The following ZFYVE16 variants were observed in gnomAD, a reference collection of about 807,000 sequenced individuals.
ZFYVE16 encodes zinc finger FYVE domain-containing protein 16.
A neutral mutation model predicts 138.1 loss-of-function variants in ZFYVE16; 89 were observed. The observed-to-expected ratio is 0.64, with a 90% CI of 0.54 to 0.77. The LOEUF (loss-of-function observed/expected upper bound fraction) is 0.77, where lower values mean the gene tolerates loss of function less well. ZFYVE16 is among the 30% of genes least tolerant of loss of function. The pLI is 0.00. For missense variants in ZFYVE16, 1,793 were observed against 1,786.7 expected, an observed-to-expected ratio of 1.00 and a Z score of -0.06; for synonymous variants, 596 against 618.3, an observed-to-expected ratio of 0.96 and a Z score of 0.53.
chr5:80,450,447 T>C lies in ZFYVE16; in HGVS notation c.3243T>C (p.Tyr1081=). ...TCATCTAAGATTCCTCAGACAAATA[T>C]TGGTACTTTTCAACCAATGGATTGC... is the stretch of plus-strand genomic sequence containing the variant. ...VKFIFYSSDK[Y]WYFSTNGLHG... is the part of the protein sequence containing the mutation. The change falls in exon 10 of 19, where the codon TAT becomes TAC. Residue 1081 remains tyrosine, a synonymous_variant. Coordinates refer to ENST00000505560, the MANE Select transcript of ZFYVE16 (RefSeq NM_001284236.3). The C allele has an allele frequency of 6.2e-7, 1 of 1,613,412 alleles. No individual in the cohort carries two copies. Among genetic ancestry groups the C allele is most frequent in the Non-Finnish European group, 8.5e-7 (1 of 1,179,598 alleles).
chr5:80,445,237 T>A lies in ZFYVE16; in HGVS notation c.2582-26T>A, dbSNP rs1365227677. 1.9e-6 allele frequency: 3 copies of A among 1,601,586 alleles called. No individual in the cohort carries two copies. The African/African-American group carries it at 4.0e-5, about 22-fold the overall frequency. On this transcript the variant is annotated intron_variant, in intron 6 of 18. Coordinates refer to ENST00000505560, the MANE Select transcript of ZFYVE16 (RefSeq NM_001284236.3). ...TCATTGCCATATTACCAGATTCAAA[T>A]GTTTTACTTTTTCAATTGATTCTAG... is the stretch of plus-strand genomic sequence containing the variant.
intron 1 of ZFYVE16, among the ~76,000 whole-genome samples, chr5:80,412,641 G>A (rs1330950388): frequency 6.6e-6 from 1 of 152,126 alleles, no homozygotes; most frequent in Non-Finnish European, 1.5e-5. Context: ...AGATAGGAAT[G>A]TTTTGTAAAT....
chr5:80,413,972 C>T (rs1745841831), intron 1 of ZFYVE16, among the ~76,000 whole-genome samples: 2 of 152,126 alleles, frequency 1.3e-5, no homozygotes, highest in East Asian at 1.9e-4. Context: ...CTCTATATTC[C>T]CAAATTAGTT....
chr5:80,475,584 A>G (rs570395144), intron 18 of ZFYVE16, among the ~76,000 whole-genome samples: 3 of 152,330 alleles, frequency 2.0e-5, no homozygotes, highest in South Asian at 2.1e-4. Context: ...CTACAAGCAA[A>G]TAAGTGTGTG....
At chr5:80,426,454 C>G (rs930191316) in intron 1 of ZFYVE16, among the ~76,000 whole-genome samples, 1 of 151,772 alleles carries the variant, frequency 6.6e-6, no homozygotes, top group Non-Finnish European at 1.5e-5. Flanking sequence ...CACCACCCCC[C>G]CACCCCAGCA....
intron 12 of ZFYVE16, chr5:80,456,163 T>A (rs941372339): frequency 1.6e-5 from 5 of 307,584 alleles, no homozygotes; most frequent in African/African-American, 1.1e-4. Context: ...TAATAGGAAG[T>A]GTTGGATTAG....
rs183614994 is a variant in ZFYVE16 at position 80,423,209 on chromosome 5, G to A, written c.-93-4283G>A. On this transcript the variant is annotated intron_variant, in intron 1 of 18. Coordinates refer to ENST00000505560, the MANE Select transcript of ZFYVE16 (RefSeq NM_001284236.3). ...TATTTATTTAATTTTTAAAATAGAT[G>A]TAGGGATTTTGGGTTATCTGTTTCT... Among the ~76,000 whole-genome samples the A allele has an allele frequency of 6.2e-3, 950 of 152,224 alleles. 10 individuals are homozygous for A. Among genetic ancestry groups the A allele is most frequent in the African/African-American group, 0.021 (878 of 41,554 alleles).
In ZFYVE16 at chr5:80,448,410, G is replaced by C. The variant is rs375256686; in HGVS notation, c.3103+6G>C. On this transcript the variant is annotated splice_donor_region_variant and intron_variant, in intron 8 of 18. Transcript: ENST00000505560. ...ATCTGGAGAAAAGGGATCAGGTAGGGAAGCAGTTATTTAAATTTAAAAAGA... is the reference window on the plus strand; with the variant it reads ...ATCTGGAGAAAAGGGATCAGGTAGGCAAGCAGTTATTTAAATTTAAAAAGA... 35 of 1,479,900 alleles carry C rather than the reference G, an allele frequency of 2.4e-5. No individual in the cohort carries two copies. In the African/African-American group the frequency reaches 4.6e-4, roughly 20 times the overall value. The allele number at this position is 1,479,900 out of a possible 1,614,324, so 91.7% of individuals were successfully genotyped here.
At position 80,426,242 on chromosome 5, in the gene ZFYVE16, C is replaced by CTGTGTG. The variant is rs869080902; in HGVS notation, c.-93-1224_-93-1219dup. 1.7e-3 allele frequency among the ~76,000 whole-genome samples: 215 copies of CTGTGTG among 125,196 alleles called. 1 individual carries two copies. Among genetic ancestry groups the CTGTGTG allele is most frequent in the Middle Eastern group, 7.9e-3 (2 of 252 alleles). 82.1% of individuals were successfully genotyped at this position (125,196 alleles called of 152,430 possible). A position where few individuals can be genotyped will look rare whatever the true frequency, so the allele number is the denominator to read the frequency against. On this transcript the variant is annotated intron_variant, in intron 1 of 18. Transcript: ENST00000505560. The stretch of plus-strand genomic sequence containing the variant: ...TGTGTGTGTGTGTATGTGTGTGTGT[C>CTGTGTG]TGTGTGTGTGTGTGTGTGTGTGTGT...
chr5:80,441,855 G>A (rs1406722424), intron 5 of ZFYVE16: 2 of 985,246 alleles, frequency 2.0e-6, no homozygotes, highest in East Asian at 2.3e-4. Context: ...GATCAGTTTG[G>A]AGAAATGCTG....
intron 2 of ZFYVE16, among the ~76,000 whole-genome samples, chr5:80,431,750 C>G (rs993447573): frequency 8.5e-5 from 13 of 152,162 alleles, no homozygotes; most frequent in African/African-American, 2.9e-4. Flanking sequence ...TCTCAGGATA[C>G]AAAATCAGTG....
rs372030155 is a variant in ZFYVE16, at chr5:80,417,843, GCA to G, written c.-93-9646_-93-9645del. On this transcript the variant is annotated intron_variant, in intron 1 of 18. Transcript: ENST00000505560. The stretch of plus-strand genomic sequence containing the variant: ...AAATCAGATGAGTAAATACCTAGTA[GCA>G]CATGATTGCTGGATTATATGGTAGT... Among the ~76,000 whole-genome samples the G allele has an allele frequency of 6.2e-3, 949 of 152,264 alleles. 10 individuals are homozygous for G. The highest frequency in any genetic ancestry group is 0.021 in the African/African-American group (877 of 41,558).
chr5:80,473,716 G>T (rs1754608127), intron 16 of ZFYVE16, 38 bp from the exon 17 acceptor site: 4 of 1,409,652 alleles, frequency 2.8e-6, no homozygotes, highest in Non-Finnish European at 2.0e-6. Context: ...AAACACATTG[G>T]TGCTAATAAT....
At chr5:80,441,932 T>A (rs900937538) in intron 5 of ZFYVE16, 1 of 985,116 alleles carries the variant, frequency 1.0e-6, no homozygotes, top group Non-Finnish European at 1.2e-6. Flanking sequence ...CAGGCACTAT[T>A]CTGCATTCTG....
chr5:80,451,580 C>T lies in ZFYVE16; in HGVS notation c.3478C>T (p.Gln1160Ter), dbSNP rs1252903671. 1 of 1,613,862 alleles carries T rather than the reference C, an allele frequency of 6.2e-7. No homozygotes were observed. Among genetic ancestry groups the T allele is most frequent in the Admixed American group, 1.7e-5 (1 of 60,014 alleles). Residue 1160 changes from glutamine to a stop codon, truncating the protein, a stop_gained, in exon 11 of 19, where the codon CAG (glutamine) becomes TAG (stop). Transcript: ENST00000505560. LOFTEE classifies it high-confidence loss of function. ...ATTCCTGTTTATTACACCTACTTTT[C>T]AGAAACTTGATGATCTCTCATTACC... ...GGFLFITPTFQKLDDLSLPSN... is the reference protein window; with the variant it reads ...GGFLFITPTF
rs1755195500 is a variant in ZFYVE16 at position 80,479,754 on chromosome 5, C to G, written c.*2377C>G. Among the ~76,000 whole-genome samples, 1 of 152,192 alleles carries G rather than the reference C, an allele frequency of 6.6e-6. No individual in the cohort carries two copies. The highest frequency in any genetic ancestry group is 2.4e-5 in the African/African-American group (1 of 41,452). ...TAAGAGAAGCAAGCATGTACCCTTA[C>G]TCTGACAACCTTATGAGTGAGGGGG... On this transcript the variant is annotated 3_prime_UTR_variant, in exon 19 of 19. Transcript: ENST00000505560.
chr5:80,435,449 G>A (rs1449923917), intron 3 of ZFYVE16, among the ~76,000 whole-genome samples: 1 of 152,208 alleles, frequency 6.6e-6, no homozygotes, highest in Admixed American at 6.5e-5. Flanking sequence ...GATGATAGGC[G>A]TGAGCCACCA....
At chr5:80,425,387 A>T (rs1192749678) in intron 1 of ZFYVE16, among the ~76,000 whole-genome samples, 1 of 152,196 alleles carries the variant, frequency 6.6e-6, no homozygotes, top group African/African-American at 2.4e-5. Flanking sequence ...GCACACAATC[A>T]TAATTAGTTC....
intron 11 of ZFYVE16, among the ~76,000 whole-genome samples, chr5:80,452,722 T>G (rs899146543): frequency 2.0e-5 from 3 of 152,170 alleles, no homozygotes; most frequent in Non-Finnish European, 4.4e-5. Flanking sequence ...GGGAAGGAAG[T>G]ACTTAAAAAT....
Sources: gnomAD v4.1 joint callset for allele counts (sites outside exome capture counted in the v4.1 genomes callset) on GRCh38, gnomAD v4.1.1 for gene constraint, MANE v1.5 for transcripts, NCBI Gene and HGNC (gene_info 2026-07-23, HGNC 2026-07-21) for gene names.